MLXIP: variants seen among roughly 807,000 people sequenced by gnomAD.
MLXIP encodes MLX-interacting protein.
In MLXIP, 30 loss-of-function variants were observed where a neutral mutation model predicts 87.2. The observed-to-expected ratio is 0.34, with a 90% CI of 0.26 to 0.47. The LOEUF (loss-of-function observed/expected upper bound fraction) is 0.47. MLXIP is among the 20% of genes least tolerant of loss of function. The pLI is 1.00. For missense variants in MLXIP, 1,002 were observed against 1,240.1 expected (o/e 0.81, Z 2.88); for synonymous variants, 530 against 514.0 (o/e 1.03, Z -0.42).
intron 1 of MLXIP, among the ~76,000 whole-genome samples, chr12:122,093,934 GTGT>G: frequency 7.8e-6 from 1 of 128,986 alleles, no homozygotes; most frequent in Non-Finnish European, 1.7e-5. Context: ...TGGTGTGGTG[GTGT>G]GTGGGGTGTG....
intron 1 of MLXIP, among the ~76,000 whole-genome samples, chr12:122,097,276 T>A (rs1478369224): frequency 6.6e-6 from 1 of 152,110 alleles, no homozygotes; most frequent in Non-Finnish European, 1.5e-5. Flanking sequence ...AGCAGTCCTG[T>A]CACCCTGGCC....
At chr12:122,122,846 C>CTTCTT (rs1952806234) in intron 1 of MLXIP, among the ~76,000 whole-genome samples, 1 of 146,530 alleles carries the variant, frequency 6.8e-6, no homozygotes, top group Non-Finnish European at 1.5e-5. Flanking sequence ...CGTGCCCGGC[C>CTTCTT]TTCTTTTCTT....
At chr12:122,101,612 G>A (rs1236727870) in intron 1 of MLXIP, among the ~76,000 whole-genome samples, 2 of 123,274 alleles carry the variant, frequency 1.6e-5, no homozygotes, top group African/African-American at 6.4e-5. Context: ...ACGGAGTCTC[G>A]CTCTGTCGCC....
At chr12:122,085,703 AAC>A (rs1952158771) in intron 1 of MLXIP, among the ~76,000 whole-genome samples, 1 of 152,160 alleles carries the variant, frequency 6.6e-6, no homozygotes, top group African/African-American at 2.4e-5. Flanking sequence ...TGCAGAGACA[AAC>A]ACAACCTTTG....
intron 1 of MLXIP, among the ~76,000 whole-genome samples, chr12:122,094,428 G>T (rs1203731777): frequency 7.0e-6 from 1 of 143,884 alleles, no homozygotes; most frequent in Non-Finnish European, 1.5e-5. Context: ...TGGGGTGTGG[G>T]TGTGTGTATG....
At chr12:122,080,039 CAT>C (rs1293997933) in intron 1 of MLXIP, among the ~76,000 whole-genome samples, 3 of 152,196 alleles carry the variant, frequency 2.0e-5, no homozygotes, top group Admixed American at 6.5e-5. Context: ...ACCGTTCTGA[CAT>C]GTGGATTCGG....
chr12:122,110,735 C>A (rs1046979827), intron 1 of MLXIP, among the ~76,000 whole-genome samples: 1 of 151,524 alleles, frequency 6.6e-6, no homozygotes. Context: ...CATGCCACTG[C>A]ACTCCAGCCT....
At chr12:122,110,557 G>A (rs963047151) in intron 1 of MLXIP, among the ~76,000 whole-genome samples, 2 of 151,934 alleles carry the variant, frequency 1.3e-5, no homozygotes, top group Non-Finnish European at 1.5e-5. Context: ...AAAGTGCTGG[G>A]ATTACAGGTG....
intron 1 of MLXIP, among the ~76,000 whole-genome samples, chr12:122,121,403 G>A (rs1308498164): frequency 1.3e-5 from 2 of 150,280 alleles, no homozygotes; most frequent in Non-Finnish European, 3.0e-5. Context: ...GAGTAGCTGG[G>A]ATTACAGGCA....
chr12:122,102,366 A>G (rs1246249347), intron 1 of MLXIP, among the ~76,000 whole-genome samples: 1 of 152,222 alleles, frequency 6.6e-6, no homozygotes, highest in East Asian at 1.9e-4. Flanking sequence ...CGTTAGGGAA[A>G]TGCGCTCAAA....
intron 9 of MLXIP, 27 bp downstream of exon 9, chr12:122,134,014 G>T: frequency 6.4e-7 from 1 of 1,570,390 alleles, no homozygotes; most frequent in East Asian, 2.3e-5. Context: ...GACTCAGTGC[G>T]GGGCTCCCCC....
chr12:122,127,907 T>C lies in MLXIP; in HGVS notation c.545T>C (p.Val182Ala). Residue 182 changes from valine to alanine, a missense_variant, in exon 3 of 17, where the codon GTG becomes GCG. Coordinates refer to ENST00000319080, the MANE Select transcript of MLXIP (RefSeq NM_014938.6). The stretch of plus-strand genomic sequence containing the variant: ...GATCTGGAGAAGCGCAAGAATCCTG[T>C]GTGCCACTTTGTGACACCCCTGGAC... The part of the protein sequence containing the change: ...MQYLEKRKNP[V>A]CHFVTPLDGS... The C allele has an allele frequency of 6.2e-7, 1 of 1,613,848 alleles. No individual in the cohort carries two copies. Among genetic ancestry groups the C allele is most frequent in the Non-Finnish European group, 8.5e-7 (1 of 1,179,786 alleles).
In MLXIP at chr12:122,138,271, C is replaced by T. The variant is rs1953130255; in HGVS notation, c.2232C>T (p.Ser744=). The change falls in exon 13 of 17, where the codon AGC becomes AGT. Residue 744 remains serine (S), a synonymous_variant. Coordinates refer to ENST00000319080, the MANE Select transcript of MLXIP (RefSeq NM_014938.6). ...NIKMCFDMLN[S]LISNNSKLTS... ...AGATGTGCTTCGACATGCTCAACAG[C>T]CTCATCTCCAACAATTCCAAGCTGG... 1.9e-6 allele frequency: 3 copies of T among 1,613,626 alleles called. No homozygotes were observed. In the African/African-American group the frequency reaches 4.0e-5, roughly 22 times the overall value.
rs749492149 is a variant in MLXIP at position 122,127,954 on chromosome 12, C to T, written c.592C>T (p.His198Tyr). Residue 198 changes from histidine to tyrosine, a missense_variant, in exon 3 of 17, where the codon CAC becomes TAC. This residue lies in a region of MLXIP where 127 missense variants were observed against 239.0 expected (regional missense o/e 0.53). Coordinates refer to ENST00000319080, the MANE Select transcript of MLXIP (RefSeq NM_014938.6). ...PLDGSVDVDEHRRPEAITTEG... is the reference protein window; with the variant it reads ...PLDGSVDVDEYRRPEAITTEG... Reference sequence around the variant, plus strand: ...GGACGGCTCTGTGGACGTAGACGAGCACCGCCGGCCGGAGGTACTTGGCAG... The same window carrying T: ...GGACGGCTCTGTGGACGTAGACGAGTACCGCCGGCCGGAGGTACTTGGCAG... 1 of 1,613,528 alleles carries T rather than the reference C, an allele frequency of 6.2e-7. No individual in the cohort carries two copies. Among genetic ancestry groups the T allele is most frequent in the Non-Finnish European group, 8.5e-7 (1 of 1,179,690 alleles).
intron 1 of MLXIP, among the ~76,000 whole-genome samples, chr12:122,105,365 G>C (rs986603011): frequency 2.7e-5 from 4 of 149,936 alleles, no homozygotes; most frequent in Admixed American, 6.6e-5. Flanking sequence ...TTTTTTTTTG[G>C]AGACGGAGTT....
chr12:122,109,258 G>A (rs566982251), intron 1 of MLXIP, among the ~76,000 whole-genome samples: 7 of 152,302 alleles, frequency 4.6e-5, no homozygotes, highest in South Asian at 2.1e-4. Flanking sequence ...TAGTAGTGAC[G>A]GGGTTGCACT....
chr12:122,140,836 C>T (rs1184423620), intron 15 of MLXIP, 118 bp from the exon 16 acceptor site: 6 of 1,490,856 alleles, frequency 4.0e-6, no homozygotes, highest in African/African-American at 1.4e-5. Context: ...GTGATCCATT[C>T]TCTGTGGGCA....
chr12:122,096,859 G>C (rs998328609), intron 1 of MLXIP, among the ~76,000 whole-genome samples: 1 of 152,232 alleles, frequency 6.6e-6, no homozygotes, highest in Non-Finnish European at 1.5e-5. Flanking sequence ...TGTGATTCCA[G>C]GTGTGAGTCC....
intron 1 of MLXIP, among the ~76,000 whole-genome samples, chr12:122,117,611 T>A (rs994925570): frequency 1.3e-5 from 2 of 152,232 alleles, no homozygotes; most frequent in Non-Finnish European, 2.9e-5. Context: ...ATGAATTGCC[T>A]TCCGCAATTA....
Sources: allele counts gnomAD v4.1 joint callset (sites outside exome capture counted in the v4.1 genomes callset), GRCh38; gene constraint gnomAD v4.1.1; regional missense constraint gnomAD v4.1.1; transcripts MANE v1.5; gene names NCBI Gene and HGNC (gene_info 2026-07-23, HGNC 2026-07-21).